The following NRG3 variants were observed in gnomAD, a reference collection of about 807,000 sequenced individuals.
NRG3 encodes neuregulin 3, also known as pro-neuregulin-3, membrane-bound isoform.
Under a neutral mutation model 66.9 loss-of-function variants are expected in NRG3, and 31 were observed. The ratio of observed to expected loss-of-function variants is 0.46; its 90% confidence interval spans 0.35 to 0.63. The LOEUF (loss-of-function observed/expected upper bound fraction) is 0.63. NRG3 is among the 20% of genes least tolerant of loss of function. The probability of loss-of-function intolerance (pLI) is 0.00; values close to 1 mark genes in which losing one functional copy is unlikely to be tolerated. For missense variants in NRG3, 910 were observed against 878.9 expected (o/e 1.04, Z -0.45); for synonymous variants, 393 against 359.4 (o/e 1.09, Z -1.06).
intron 2 of NRG3, among the ~76,000 whole-genome samples, chr10:82,592,584 T>A (rs780603661): frequency 6.6e-6 from 1 of 152,196 alleles, no homozygotes; most frequent in Non-Finnish European, 1.5e-5. Flanking sequence ...GCAGAGGCAG[T>A]CACTGCCACT....
intron 1 of NRG3, among the ~76,000 whole-genome samples, chr10:82,007,147 G>C (rs980873301): frequency 6.7e-6 from 1 of 150,182 alleles, no homozygotes; most frequent in Non-Finnish European, 1.5e-5. Context: ...AATAGATTTA[G>C]TTATAACTGT....
Position 82,874,955 on chromosome 10 carries a change from A to G in NRG3, c.1054+9518A>G, listed in dbSNP as rs376171777. Among the ~76,000 whole-genome samples, 60 of 152,356 alleles carry G rather than the reference A, an allele frequency of 3.9e-4. 1 individual carries two copies. In the East Asian group the frequency reaches 4.8e-3, roughly 12 times the overall value. ...CCTTCATGTCATAAGGATCTTGGCC[A>G]GTAACTCACAATTATCCAAGCTACA... On this transcript the variant is annotated intron_variant, in intron 4 of 8. Transcript: ENST00000372141.
rs543680924 is a variant in NRG3, at chr10:82,516,598, C to A, written c.953+157730C>A. On this transcript the variant is annotated intron_variant, in intron 2 of 8. Coordinates refer to ENST00000372141, the MANE Select transcript of NRG3 (RefSeq NM_001010848.4). ...CAAAAAATGAGGATGTCAAAGTAAC[C>A]CATAATAATGCCTCTTGTATTATTC... is the stretch of plus-strand genomic sequence containing the variant. Among the ~76,000 whole-genome samples, 155 of 152,124 alleles carry A rather than the reference C, an allele frequency of 1.0e-3. 1 individual carries two copies. Among genetic ancestry groups the A allele is most frequent in the African/African-American group, 3.4e-3 (142 of 41,516 alleles).
intron 1 of NRG3, among the ~76,000 whole-genome samples, chr10:82,297,562 G>T (rs985003566): frequency 6.6e-6 from 1 of 152,062 alleles, no homozygotes; most frequent in Non-Finnish European, 1.5e-5. Flanking sequence ...GTAGCTCCCC[G>T]ATTCTGACTA....
intron 1 of NRG3, among the ~76,000 whole-genome samples, chr10:81,965,364 C>A (rs1278867962): frequency 3.3e-5 from 5 of 152,158 alleles, no homozygotes; most frequent in Non-Finnish European, 7.3e-5. Context: ...AGATCCAGGC[C>A]ATCTGGCTTC....
At chr10:82,192,027 G>A (rs1284353460) in intron 1 of NRG3, among the ~76,000 whole-genome samples, 3 of 152,028 alleles carry the variant, frequency 2.0e-5, no homozygotes, top group African/African-American at 7.2e-5. Flanking sequence ...AATACTGAAT[G>A]GTTCAAATTG....
chr10:82,265,466 A>T (rs12098365), intron 1 of NRG3, among the ~76,000 whole-genome samples: 2,638 of 152,332 alleles, frequency 0.017, 82 homozygotes, highest in African/African-American at 0.06. Flanking sequence ...AGAGGTCAAG[A>T]AACAACTAAA....
chr10:82,294,176 C>G (rs1160730208), intron 1 of NRG3, among the ~76,000 whole-genome samples: 2 of 152,196 alleles, frequency 1.3e-5, no homozygotes, highest in Non-Finnish European at 2.9e-5. Context: ...TCAGTCTTCT[C>G]TGATGGAAAC....
chr10:82,524,191 A>G (rs946418386), intron 2 of NRG3, among the ~76,000 whole-genome samples: 4 of 152,074 alleles, frequency 2.6e-5, no homozygotes, highest in African/African-American at 9.7e-5. Context: ...CATCTCCAAT[A>G]GTAACCCACG....
intron 4 of NRG3, among the ~76,000 whole-genome samples, chr10:82,936,207 T>C (rs73311399): frequency 0.11 from 17,114 of 152,188 alleles, 1,407 homozygotes; most frequent in African/African-American, 0.22. Context: ...GATTGTGATG[T>C]TTCACAACAT....
intron 2 of NRG3, among the ~76,000 whole-genome samples, chr10:82,486,854 T>C (rs75835538): frequency 0.012 from 1,778 of 152,098 alleles, 29 homozygotes; most frequent in African/African-American, 0.035. Context: ...ATTCCACTTA[T>C]AGGAGATCTC....
intron 1 of NRG3, chr10:81,889,765 TAA>T (rs1211988898): frequency 6.6e-6 from 1 of 152,186 alleles, no homozygotes; most frequent in Non-Finnish European, 1.5e-5. Flanking sequence ...TTGACTTAGA[TAA>T]AGATATATTT....
chr10:82,062,265 A>C (rs1420495383), intron 1 of NRG3, among the ~76,000 whole-genome samples: 1 of 152,094 alleles, frequency 6.6e-6, no homozygotes, highest in Non-Finnish European at 1.5e-5. Flanking sequence ...TGGATGCCAG[A>C]GGGGAGCAGA....
At position 82,524,414 on chromosome 10, in the gene NRG3, T is replaced by C. The variant is rs377208706; in HGVS notation, c.953+165546T>C. Among the ~76,000 whole-genome samples the C allele has an allele frequency of 2.0e-4, 30 of 152,090 alleles. No individual in the cohort carries two copies. In the South Asian group the frequency reaches 5.8e-3, roughly 29 times the overall value. On this transcript the variant is annotated intron_variant, in intron 2 of 8. Coordinates refer to ENST00000372141, the MANE Select transcript of NRG3 (RefSeq NM_001010848.4). ...ATAATTGTTTTCCTTATTCAGTATT[T>C]AAATTTAAACCCCTAAAAATAATTC...
intron 6 of NRG3, among the ~76,000 whole-genome samples, chr10:82,963,350 T>C (rs1045317440): frequency 1.3e-5 from 2 of 152,192 alleles, no homozygotes; most frequent in African/African-American, 2.4e-5. Flanking sequence ...TGGGTTTTTA[T>C]AGGAAATGAA....
intron 1 of NRG3, among the ~76,000 whole-genome samples, chr10:81,972,400 C>T (rs770498859): frequency 5.9e-5 from 9 of 151,708 alleles, no homozygotes; most frequent in South Asian, 2.1e-4. Flanking sequence ...CAGACAAGAA[C>T]GGTAAAATAG....
chr10:81,893,300 A>G (rs1383879416), intron 1 of NRG3, among the ~76,000 whole-genome samples: 1 of 152,216 alleles, frequency 6.6e-6, no homozygotes, highest in Non-Finnish European at 1.5e-5. Context: ...CAAAACACCT[A>G]TAACCCTATA....
intron 1 of NRG3, among the ~76,000 whole-genome samples, chr10:82,280,772 T>C (rs2134436120): frequency 6.6e-6 from 1 of 152,268 alleles, no homozygotes; most frequent in Admixed American, 6.5e-5. Context: ...ATTACTTATC[T>C]CTGTATTAGC....
intron 1 of NRG3, among the ~76,000 whole-genome samples, chr10:82,077,179 ATAATAT>A (rs1203216580): frequency 6.6e-6 from 1 of 152,238 alleles, no homozygotes; most frequent in Non-Finnish European, 1.5e-5. Context: ...CACTTCTGTA[ATAATAT>A]TAATGTCTAC....
Sources: allele counts gnomAD v4.1 joint callset (sites outside exome capture counted in the v4.1 genomes callset), GRCh38; gene constraint gnomAD v4.1.1; transcripts MANE v1.5; gene names NCBI Gene and HGNC (gene_info 2026-07-23, HGNC 2026-07-21).